The following USP8 variants were observed in gnomAD, a reference collection of about 807,000 sequenced individuals.
USP8 encodes ubiquitin carboxyl-terminal hydrolase 8.
Under a neutral mutation model 130.0 loss-of-function variants are expected in USP8, and 27 were observed. The ratio of observed to expected loss-of-function variants is 0.21; its 90% CI spans 0.15 to 0.29. USP8 has a LOEUF of 0.29. Ranked by LOEUF, USP8 falls within the 10% of genes least tolerant of loss-of-function variation. USP8 has a pLI of 1.00. For synonymous variants in USP8, 392 were observed against 444.1 expected, an observed-to-expected ratio of 0.88 and a Z score of 1.48; for missense variants, 1,029 against 1,312.2, an observed-to-expected ratio of 0.78 and a Z score of 3.33.
chr15:50,484,386 ACTGG>A, intron 12 of USP8, 25 bp downstream of exon 12: 2 of 1,589,884 alleles, frequency 1.3e-6, no homozygotes, highest in Admixed American at 1.8e-5. Flanking sequence ...GCAGGAAAAA[ACTGG>A]AAAAAAAAGC....
In USP8 at chr15:50,514,047, G is replaced by A. The variant is rs150527888; in HGVS notation, c.*14959G>A. The A allele has an allele frequency of 2.0e-5, 3 of 152,278 alleles. No homozygotes were observed. The highest frequency in any genetic ancestry group is 7.2e-5 in the African/African-American group (3 of 41,554). The allele number at this position is 152,278 out of a possible 1,614,324, so 9.4% of individuals were successfully genotyped here. ...GAATGGTAGAATGAATTACTAAATTGTAGTATTTTCATACAATGGAATACT... is the reference window on the plus strand; with the variant it reads ...GAATGGTAGAATGAATTACTAAATTATAGTATTTTCATACAATGGAATACT... On this transcript the variant is annotated 3_prime_UTR_variant, in exon 20 of 20. Coordinates refer to ENST00000307179, the MANE Select transcript of USP8 (RefSeq NM_005154.5).
chr15:50,461,878 A>C (rs958687298), intron 5 of USP8, among the ~76,000 whole-genome samples: 1 of 152,128 alleles, frequency 6.6e-6, no homozygotes, highest in Admixed American at 6.5e-5. Flanking sequence ...TGTAAACTAC[A>C]TAAGCAATAC....
rs780897382 is a variant in USP8, at chr15:50,477,310, T to G, written c.1029T>G (p.Ile343Met). ...CTTATCCCTCATTGGAAGAATCAAT[T>G]CCTTCTAAACCTGCTGCCCAGACGC... ...DFTYPSLEESIPSKPAAQTPP... is the reference protein window; with the variant it reads ...DFTYPSLEESMPSKPAAQTPP... Residue 343 changes from isoleucine to methionine, a missense_variant, in exon 10 of 20, where the codon ATT (isoleucine) becomes ATG (methionine). By Grantham distance (10) the Ile-to-Met change is conservative. This residue lies in a region of USP8 where 486 missense variants were observed against 522.0 expected (regional missense o/e 0.93). Coordinates refer to ENST00000307179, the MANE Select transcript of USP8 (RefSeq NM_005154.5). The G allele has an allele frequency of 1.9e-6, 3 of 1,613,112 alleles. No homozygotes were observed. The highest frequency in any genetic ancestry group is 2.5e-6 in the Non-Finnish European group (3 of 1,179,824).
chr15:50,450,475 T>C (rs1231542060), intron 4 of USP8, among the ~76,000 whole-genome samples: 2 of 146,480 alleles, frequency 1.4e-5, no homozygotes, highest in Admixed American at 1.4e-4. Context: ...TTTTTTTTTT[T>C]TTTTTTTTTT....
intron 1 of USP8, among the ~76,000 whole-genome samples, chr15:50,429,754 T>A (rs1301214172): frequency 6.6e-6 from 1 of 152,180 alleles, no homozygotes; most frequent in Non-Finnish European, 1.5e-5. Flanking sequence ...AGGAGTGGGA[T>A]CTGAGCATCA....
In USP8 at chr15:50,500,866, T is replaced by A. The variant is rs2052572778; in HGVS notation, c.*1778T>A. ...TGGGAGAAAGGAATGTCAAACTTAG[T>A]ATTCACATATGAACACTAACTACTG... On this transcript the variant is annotated 3_prime_UTR_variant, in exon 20 of 20. Coordinates refer to ENST00000307179, the MANE Select transcript of USP8 (RefSeq NM_005154.5). The A allele has an allele frequency of 3.2e-6, 5 of 1,539,856 alleles. No homozygotes were observed. The highest frequency in any genetic ancestry group is 3.5e-6 in the Non-Finnish European group (4 of 1,132,924).
At chr15:50,431,068 C>T (rs748344591) in intron 1 of USP8, among the ~76,000 whole-genome samples, 6 of 151,932 alleles carry the variant, frequency 3.9e-5, no homozygotes, top group Non-Finnish European at 7.4e-5. Flanking sequence ...GGTTGAGAAA[C>T]GCTGCTGTAA....
intron 14 of USP8, among the ~76,000 whole-genome samples, chr15:50,491,960 C>T (rs2052187096): frequency 6.6e-6 from 1 of 152,130 alleles, no homozygotes; most frequent in African/African-American, 2.4e-5. Context: ...TCTGCCTCCT[C>T]AAGCGATTCT....
intron 10 of USP8, among the ~76,000 whole-genome samples, chr15:50,478,643 T>G (rs1178457302): frequency 2.0e-5 from 3 of 152,380 alleles, no homozygotes; most frequent in East Asian, 3.9e-4. Flanking sequence ...AGAGCTTCTC[T>G]ATGTTATTGC....
At chr15:50,487,957 A>G (rs1233457749) in intron 12 of USP8, among the ~76,000 whole-genome samples, 3 of 152,326 alleles carry the variant, frequency 2.0e-5, no homozygotes, top group African/African-American at 7.2e-5. Flanking sequence ...AGGCAAGAGA[A>G]TCATTTGTGC....
At chr15:50,471,535 G>A (rs184332081) in intron 7 of USP8, 98 bp from the exon 8 acceptor site, 2 of 1,318,472 alleles carry the variant, frequency 1.5e-6, no homozygotes, top group Admixed American at 2.5e-5. Context: ...ATTTGCTATG[G>A]TGTGGTAAAG....
chr15:50,490,317 G>C lies in USP8; in HGVS notation c.2026G>C (p.Val676Leu), dbSNP rs2141317381. The C allele has an allele frequency of 1.2e-6, 2 of 1,612,264 alleles. No individual in the cohort carries two copies. Among genetic ancestry groups the C allele is most frequent in the Non-Finnish European group, 1.7e-6 (2 of 1,179,760 alleles). Residue 676 changes from valine to leucine, a missense_variant, in exon 14 of 20, where the codon GTT (valine) becomes CTT (leucine). Physicochemically the swap from Val to Leu is conservative, Grantham distance 32. This residue lies in a region of USP8 where 486 missense variants were observed against 522.0 expected (regional missense o/e 0.93). Transcript: ENST00000307179. ...TTATTATCATTCACCCACCAACACTGTTCATATGTACCCACCGGAAATGGC... is the reference window on the plus strand; with the variant it reads ...TTATTATCATTCACCCACCAACACTCTTCATATGTACCCACCGGAAATGGC... ...FRYYHSPTNT[V>L]HMYPPEMAPS...
rs917366399 is a variant in USP8 at position 50,499,795 on chromosome 15, TTC to T, written c.*709_*710del. On this transcript the variant is annotated 3_prime_UTR_variant, in exon 20 of 20. Coordinates refer to ENST00000307179, the MANE Select transcript of USP8 (RefSeq NM_005154.5). ...AAAATAATTTATAACCCTGTGGGTG[TTC>T]TGTCTTTAATATTGTATTATCAAAT... 1.3e-5 allele frequency: 2 copies of T among 152,176 alleles called. No homozygotes were observed. Among genetic ancestry groups the T allele is most frequent in the African/African-American group, 4.8e-5 (2 of 41,450 alleles). 9.4% of individuals were successfully genotyped at this position (152,176 alleles called of 1,614,324 possible). A position where few individuals can be genotyped will look rare whatever the true frequency, so the allele number is the denominator to read the frequency against.
chr15:50,457,473 G>A (rs1037611718), intron 4 of USP8, among the ~76,000 whole-genome samples: 13 of 151,214 alleles, frequency 8.6e-5, no homozygotes, highest in African/African-American at 2.7e-4. Flanking sequence ...CAGGAGAATC[G>A]CTTGAACCCA....
At chr15:50,457,958 C>G (rs755278827) in intron 4 of USP8, among the ~76,000 whole-genome samples, 2 of 151,374 alleles carry the variant, frequency 1.3e-5, no homozygotes, top group South Asian at 2.1e-4. Context: ...ACTATTGATT[C>G]GTCTTTTACT....
chr15:50,432,121 A>C (rs2049952502), intron 1 of USP8, among the ~76,000 whole-genome samples: 1 of 152,212 alleles, frequency 6.6e-6, no homozygotes, highest in Non-Finnish European at 1.5e-5. Context: ...TATAGATCAC[A>C]AGCATTGTAG....
rs1361886462 is a variant in USP8 at position 50,501,503 on chromosome 15, CTTCT to C, written c.*2418_*2421del. 3 of 149,860 alleles carry C rather than the reference CTTCT, an allele frequency of 2.0e-5. No individual in the cohort carries two copies. The highest frequency in any genetic ancestry group is 4.4e-5 in the Non-Finnish European group (3 of 67,772). The allele number at this position is 149,860 out of a possible 1,614,324, so 9.3% of individuals were successfully genotyped here. The stretch of plus-strand genomic sequence containing the variant: ...TTGTAAGTTCATTTACGTAAGATGG[CTTCT>C]TTTTTTTTTTTTTAAAGTTAGGATA... On this transcript the variant is annotated 3_prime_UTR_variant, in exon 20 of 20. Coordinates refer to ENST00000307179, the MANE Select transcript of USP8 (RefSeq NM_005154.5).
chr15:50,439,170 A>G lies in USP8; in HGVS notation c.97A>G (p.Thr33Ala), dbSNP rs2050170651. Residue 33 changes from threonine (T) to alanine (A), a missense_variant, in exon 2 of 20, where the codon ACT becomes GCT. By Grantham distance (58) the Thr-to-Ala change is moderately conservative. Around this residue, in one of 4 missense-constraint regions of USP8, gnomAD observed 281 missense variants for 336.7 expected, o/e 0.83. Coordinates refer to ENST00000307179, the MANE Select transcript of USP8 (RefSeq NM_005154.5). ...KTEVKPEKIS[T>A]KSYVHSALKI... is the part of the protein sequence containing the mutation. ...AGAAGTTAAACCAGAGAAAATAAGCACTAAGAGGTATGATGTATCCTTCGC... is the reference window on the plus strand; with the variant it reads ...AGAAGTTAAACCAGAGAAAATAAGCGCTAAGAGGTATGATGTATCCTTCGC... The G allele has an allele frequency of 6.5e-7, 1 of 1,547,040 alleles. No homozygotes were observed. Among genetic ancestry groups the G allele is most frequent in the Non-Finnish European group, 8.7e-7 (1 of 1,148,772 alleles).
chr15:50,439,038 T>G lies in USP8; in HGVS notation c.-36T>G, dbSNP rs202173099. 316 of 1,401,384 alleles carry G rather than the reference T, an allele frequency of 2.3e-4. 2 individuals carry two copies. The African/African-American group carries it at 4.0e-3, about 18-fold the overall frequency. 86.8% of individuals were successfully genotyped at this position (1,401,384 alleles called of 1,614,324 possible). On this transcript the variant is annotated 5_prime_UTR_variant, in exon 2 of 20. Transcript: ENST00000307179. ...GAAGCACTTGTAAGGAAATATAGCA[T>G]CCATTGTGAAAGTGGAAAAGTAAAG...
Sources: allele counts gnomAD v4.1 joint callset (sites outside exome capture counted in the v4.1 genomes callset), GRCh38; gene constraint gnomAD v4.1.1; regional missense constraint gnomAD v4.1.1; transcripts MANE v1.5; gene names NCBI Gene and HGNC (gene_info 2026-07-23, HGNC 2026-07-21).